ADAM12: variants seen among roughly 807,000 people sequenced by gnomAD.
ADAM12 encodes disintegrin and metalloproteinase domain-containing protein 12.
Under a neutral mutation model 106.4 loss-of-function variants are expected in ADAM12, and 70 were observed. The ratio of observed to expected loss-of-function variants is 0.66; its 90% confidence interval spans 0.54 to 0.80. ADAM12 has a LOEUF of 0.80. ADAM12 is among the 30% of genes least tolerant of loss of function. The probability of loss-of-function intolerance (pLI) is 0.00; values close to 1 mark genes in which losing one functional copy is unlikely to be tolerated. For missense variants in ADAM12, 1,010 were observed against 1,171.9 expected (o/e 0.86, Z 2.02); for synonymous variants, 420 against 433.5 (o/e 0.97, Z 0.39).
At chr10:126,356,882 T>C (rs772396111) in intron 1 of ADAM12, among the ~76,000 whole-genome samples, 1 of 152,056 alleles carries the variant, frequency 6.6e-6, no homozygotes, top group Admixed American at 6.6e-5. Context: ...TTGAGCAAGA[T>C]GCAAAAGAAT....
chr10:126,338,011 G>C (rs908455083), intron 1 of ADAM12, among the ~76,000 whole-genome samples: 1 of 152,104 alleles, frequency 6.6e-6, no homozygotes, highest in African/African-American at 2.4e-5. Flanking sequence ...GCGTGTTAGA[G>C]GACAGAGCCA....
intron 3 of ADAM12, among the ~76,000 whole-genome samples, chr10:126,253,545 G>T (rs188865111): frequency 6.6e-6 from 1 of 152,208 alleles, no homozygotes; most frequent in East Asian, 1.9e-4. Context: ...CAGTGTCCAC[G>T]AATCATCCCA....
chr10:126,323,684 A>G (rs552026208), intron 2 of ADAM12, among the ~76,000 whole-genome samples: 5 of 152,294 alleles, frequency 3.3e-5, no homozygotes, highest in African/African-American at 1.2e-4. Flanking sequence ...AGAAGCAGGG[A>G]TAAAAACTAA....
chr10:126,102,697 A>G (rs1026368911), intron 8 of ADAM12, among the ~76,000 whole-genome samples: 14 of 152,226 alleles, frequency 9.2e-5, no homozygotes, highest in Non-Finnish European at 4.4e-5. Flanking sequence ...CAGACATTAC[A>G]TTAATGAGTT....
intron 2 of ADAM12, among the ~76,000 whole-genome samples, chr10:126,292,599 C>G (rs1032285612): frequency 4.6e-5 from 7 of 152,234 alleles, no homozygotes; most frequent in African/African-American, 1.7e-4. Flanking sequence ...CCATCCCATT[C>G]AGTGCTCTAG....
At chr10:126,252,199 G>C (rs896550574) in intron 3 of ADAM12, among the ~76,000 whole-genome samples, 41 of 150,964 alleles carry the variant, frequency 2.7e-4, no homozygotes, top group Non-Finnish European at 5.6e-4. Flanking sequence ...TGGGATGGAT[G>C]AGATGGATGG....
At chr10:126,109,746 C>T in intron 7 of ADAM12, 29 bp downstream of exon 7, 1 of 1,597,952 alleles carries the variant, frequency 6.3e-7, no homozygotes, top group Non-Finnish European at 8.5e-7. Context: ...TCTAACCAAC[C>T]ATACTGAGAA....
At chr10:126,285,941 G>A (rs1342354614) in intron 2 of ADAM12, among the ~76,000 whole-genome samples, 1 of 150,918 alleles carries the variant, frequency 6.6e-6, no homozygotes, top group African/African-American at 2.4e-5. Flanking sequence ...AAAAAGTGAT[G>A]ATTGATTGAT....
At chr10:126,153,334 A>C (rs1279491134) in intron 4 of ADAM12, among the ~76,000 whole-genome samples, 3 of 152,142 alleles carry the variant, frequency 2.0e-5, no homozygotes, top group African/African-American at 7.2e-5. Flanking sequence ...TTAAGAGTTC[A>C]TCCTTGGTGT....
At position 126,184,318 on chromosome 10, in the gene ADAM12, C is replaced by A. The variant is rs139566239; in HGVS notation, c.261-29013G>T. On this transcript the variant is annotated intron_variant, in intron 3 of 22. Transcript: ENST00000448723. The stretch of plus-strand genomic sequence containing the variant: ...GATAACATTAATATGAGCAAATTAA[C>A]CTCTCATAGGTTTTATTATTTTTCA... 8.5e-3 allele frequency among the ~76,000 whole-genome samples: 1,297 copies of A among 152,234 alleles called. 26 individuals are homozygous for A. The highest frequency in any genetic ancestry group is 0.029 in the African/African-American group (1,212 of 41,526).
chr10:126,050,081 C>T (rs1322646223), intron 14 of ADAM12, among the ~76,000 whole-genome samples: 2 of 152,134 alleles, frequency 1.3e-5, no homozygotes, highest in African/African-American at 4.8e-5. Flanking sequence ...CACACAATTC[C>T]GGTGAGGAAA....
chr10:126,112,126 C>G (rs761095206), intron 6 of ADAM12, among the ~76,000 whole-genome samples: 2 of 151,936 alleles, frequency 1.3e-5, no homozygotes, highest in African/African-American at 4.8e-5. Flanking sequence ...GGCCATCATA[C>G]TCAGCAAACT....
At chr10:126,272,676 G>C (rs1043598610) in intron 3 of ADAM12, 1 of 155,670 alleles carries the variant, frequency 6.4e-6, no homozygotes, top group African/African-American at 2.4e-5. Flanking sequence ...CCATTCCTAA[G>C]GGCAGGCTTC....
intron 22 of ADAM12, among the ~76,000 whole-genome samples, chr10:126,019,202 A>G (rs996695316): frequency 6.6e-6 from 1 of 152,064 alleles, no homozygotes; most frequent in Non-Finnish European, 1.5e-5. Flanking sequence ...TTCCGCCATG[A>G]TTGTAAGTTT....
intron 4 of ADAM12, among the ~76,000 whole-genome samples, chr10:126,147,318 A>G (rs1158251434): frequency 6.6e-6 from 1 of 152,166 alleles, no homozygotes; most frequent in Non-Finnish European, 1.5e-5. Flanking sequence ...CTGTTCCACA[A>G]GAGGCCCCTG....
chr10:126,251,865 T>TGGATG, intron 3 of ADAM12, among the ~76,000 whole-genome samples: 1 of 126,076 alleles, frequency 7.9e-6, no homozygotes, highest in African/African-American at 3.1e-5. Context: ...ATAGGACAGA[T>TGGATG]GGATGGATGG....
intron 3 of ADAM12, among the ~76,000 whole-genome samples, chr10:126,184,857 G>A (rs1565122793): frequency 1.3e-5 from 2 of 152,122 alleles, no homozygotes; most frequent in South Asian, 2.1e-4. Flanking sequence ...GACGTCACGA[G>A]CCCTGCCTTA....
chr10:126,201,380 A>T (rs969864468), intron 3 of ADAM12, among the ~76,000 whole-genome samples: 3 of 152,096 alleles, frequency 2.0e-5, no homozygotes, highest in Non-Finnish European at 4.4e-5. Context: ...AACAGGGGAA[A>T]AGGCCAAGTG....
intron 3 of ADAM12, among the ~76,000 whole-genome samples, chr10:126,193,669 A>G (rs1483364444): frequency 6.6e-6 from 1 of 152,112 alleles, no homozygotes; most frequent in Non-Finnish European, 1.5e-5. Flanking sequence ...AGCTGAAGCG[A>G]GTGGATCACA....
Sources: gnomAD v4.1 joint callset for allele counts (sites outside exome capture counted in the v4.1 genomes callset) on GRCh38, gnomAD v4.1.1 for gene constraint, MANE v1.5 for transcripts, NCBI Gene and HGNC (gene_info 2026-07-23, HGNC 2026-07-21) for gene names.